Variants in CCDC91 observed in about 807,000 individuals in gnomAD.
The protein encoded by CCDC91 is coiled-coil domain-containing protein 91.
A neutral mutation model predicts 63.2 loss-of-function variants in CCDC91; 48 were observed. The ratio of observed to expected loss-of-function variants is 0.76; its 90% CI spans 0.60 to 0.97. The LOEUF (loss-of-function observed/expected upper bound fraction) is 0.97, where lower values mean the gene tolerates loss of function less well. CCDC91 is among the 50% of genes least tolerant of loss of function. The probability of loss-of-function intolerance (pLI) is 0.00; values close to 1 mark genes in which losing one functional copy is unlikely to be tolerated. For missense variants in CCDC91, 500 were observed against 494.6 expected, an observed-to-expected ratio of 1.01 and a Z score of -0.10; for synonymous variants, 167 against 165.8, an observed-to-expected ratio of 1.01 and a Z score of -0.06.
chr12:28,348,387 T>TG (rs1218223330), intron 6 of CCDC91, among the ~76,000 whole-genome samples: 3 of 152,194 alleles, frequency 2.0e-5, no homozygotes, highest in Non-Finnish European at 4.4e-5. Flanking sequence ...TCTGCACTGC[T>TG]GCAGTGCCCG....
chr12:28,330,897 A>C (rs1941446307), intron 6 of CCDC91, among the ~76,000 whole-genome samples: 1 of 152,198 alleles, frequency 6.6e-6, no homozygotes, highest in African/African-American at 2.4e-5. Flanking sequence ...CCCTTTAAAA[A>C]ACAAACCAAA....
chr12:28,200,560 G>C (rs12146721), intron 1 of CCDC91, among the ~76,000 whole-genome samples: 32,747 of 141,614 alleles, frequency 0.23, 3,093 homozygotes, highest in Non-Finnish European at 0.28. Flanking sequence ...ATTTAACCCT[G>C]AGTGGACACA....
At position 28,432,088 on chromosome 12, in the gene CCDC91, T is replaced by A. The variant is rs546546189; in HGVS notation, c.763-18073T>A. Among the ~76,000 whole-genome samples the A allele has an allele frequency of 4.3e-3, 657 of 152,206 alleles. 10 individuals are homozygous for A. Among genetic ancestry groups the A allele is most frequent in the African/African-American group, 0.015 (621 of 41,560 alleles). On this transcript the variant is annotated intron_variant, in intron 8 of 12. Transcript: ENST00000536442. Reference sequence around the variant, plus strand: ...CTTTTTTTCTTTTTTAAATTAAATTTAATTTAATTTTAAGTTCCAAGATAC... The same window carrying A: ...CTTTTTTTCTTTTTTAAATTAAATTAAATTTAATTTTAAGTTCCAAGATAC...
At chr12:28,203,360 A>T (rs1217517002) in intron 1 of CCDC91, among the ~76,000 whole-genome samples, 2 of 152,214 alleles carry the variant, frequency 1.3e-5, no homozygotes, top group African/African-American at 4.8e-5. Flanking sequence ...TAACTCCACT[A>T]TTCCTGCTGA....
At chr12:28,525,332 T>G (rs1023625997) in intron 12 of CCDC91, among the ~76,000 whole-genome samples, 20 of 152,138 alleles carry the variant, frequency 1.3e-4, no homozygotes, top group Admixed American at 8.5e-4. Flanking sequence ...GAGTTTTTAA[T>G]TTCCATCATG....
chr12:28,202,534 C>T (rs113623120), intron 1 of CCDC91, among the ~76,000 whole-genome samples: 1 of 152,122 alleles, frequency 6.6e-6, no homozygotes, highest in African/African-American at 2.4e-5. Flanking sequence ...TACTGGACAG[C>T]GAATGATTGG....
At chr12:28,260,097 C>T (rs1386052590) in intron 3 of CCDC91, among the ~76,000 whole-genome samples, 3 of 151,886 alleles carry the variant, frequency 2.0e-5, no homozygotes, top group South Asian at 2.1e-4. Context: ...GCATTAGGCA[C>T]TATGGGGATA....
At chr12:28,453,007 C>T (rs1398542533) in intron 11 of CCDC91, among the ~76,000 whole-genome samples, 1 of 151,790 alleles carries the variant, frequency 6.6e-6, no homozygotes, top group Admixed American at 6.6e-5. Context: ...TGCACACAGA[C>T]TCAATCAATA....
At chr12:28,532,383 T>C (rs1941809903) in intron 12 of CCDC91, among the ~76,000 whole-genome samples, 2 of 152,270 alleles carry the variant, frequency 1.3e-5, no homozygotes, top group South Asian at 4.1e-4. Flanking sequence ...AAAAAAATTG[T>C]AATTTAATGT....
intron 12 of CCDC91, among the ~76,000 whole-genome samples, chr12:28,505,771 G>C (rs1938634696): frequency 6.6e-6 from 1 of 151,910 alleles, no homozygotes; most frequent in Non-Finnish European, 1.5e-5. Context: ...TCTCAGGTGA[G>C]CCTATAGAAT....
At chr12:28,516,620 AAAAG>A (rs1939978128) in intron 12 of CCDC91, among the ~76,000 whole-genome samples, 1 of 151,864 alleles carries the variant, frequency 6.6e-6, no homozygotes, top group African/African-American at 2.4e-5. Context: ...GAAAGAAAGA[AAAAG>A]AAATTTATTT....
intron 8 of CCDC91, among the ~76,000 whole-genome samples, chr12:28,403,805 A>C (rs1432221546): frequency 6.6e-6 from 1 of 152,132 alleles, no homozygotes; most frequent in African/African-American, 2.4e-5. Context: ...TCAAATTTGT[A>C]GGCATACAGT....
intron 12 of CCDC91, among the ~76,000 whole-genome samples, chr12:28,511,040 G>T (rs1008653389): frequency 2.0e-5 from 3 of 151,888 alleles, no homozygotes; most frequent in African/African-American, 7.2e-5. Flanking sequence ...GTCGACATGT[G>T]TACTTCATAA....
intron 11 of CCDC91, among the ~76,000 whole-genome samples, chr12:28,470,585 T>G (rs1216844673): frequency 6.6e-6 from 1 of 152,166 alleles, no homozygotes; most frequent in Admixed American, 6.6e-5. Flanking sequence ...CACTCCTGGA[T>G]ATATACCTAA....
chr12:28,423,747 A>G (rs1241741488), intron 8 of CCDC91, among the ~76,000 whole-genome samples: 1 of 152,154 alleles, frequency 6.6e-6, no homozygotes, highest in Admixed American at 6.6e-5. Context: ...TTTAACAGTG[A>G]GTTTTCAAAG....
intron 1 of CCDC91, among the ~76,000 whole-genome samples, chr12:28,205,704 TG>T (rs1361271750): frequency 1.3e-5 from 2 of 152,204 alleles, no homozygotes; most frequent in Non-Finnish European, 2.9e-5. Context: ...AGTGTATGAA[TG>T]GTTGAAGTCT....
chr12:28,455,826 G>A (rs1950032288), intron 11 of CCDC91, among the ~76,000 whole-genome samples: 1 of 151,950 alleles, frequency 6.6e-6, no homozygotes, highest in Non-Finnish European at 1.5e-5. Flanking sequence ...GATGTTTTAT[G>A]TCAATTCCTC....
intron 3 of CCDC91, among the ~76,000 whole-genome samples, chr12:28,285,043 T>C (rs575240012): frequency 6.6e-6 from 1 of 152,346 alleles, no homozygotes; most frequent in African/African-American, 2.4e-5. Context: ...TCAGAAAATG[T>C]CCATTGTAGT....
At chr12:28,384,298 T>G (rs1260352995) in intron 7 of CCDC91, among the ~76,000 whole-genome samples, 1 of 152,134 alleles carries the variant, frequency 6.6e-6, no homozygotes, top group Non-Finnish European at 1.5e-5. Context: ...ACAGTACTGC[T>G]TGCAAGAACA....
Sources: allele counts gnomAD v4.1 joint callset (sites outside exome capture counted in the v4.1 genomes callset), GRCh38; gene constraint gnomAD v4.1.1; transcripts MANE v1.5; gene names NCBI Gene and HGNC (gene_info 2026-07-23, HGNC 2026-07-21).